The following HEMK2 variants were observed in gnomAD, a reference collection of about 807,000 sequenced individuals.
HEMK2 encodes methyltransferase HEMK2.
chr21:28,652,863 T>G, the HEMK2 span, among the ~76,000 whole-genome samples: 1 of 152,044 alleles, frequency 6.6e-6, no homozygotes, highest in Non-Finnish European at 1.5e-5. Context: ...ATACCCTCAT[T>G]GCTCATTAGC....
chr21:28,605,433 C>A, the HEMK2 span, among the ~76,000 whole-genome samples: 11 of 152,208 alleles, frequency 7.2e-5, no homozygotes, highest in African/African-American at 2.7e-4. Flanking sequence ...ATACTTTCAA[C>A]TTGGCTATTT....
the HEMK2 span, chr21:28,878,119 T>C: frequency 1.5e-6 from 2 of 1,324,608 alleles, no homozygotes; most frequent in Middle Eastern, 2.5e-4. Context: ...ATCTTATAAA[T>C]TAAAGCATTT....
chr21:28,831,306 C>T, the HEMK2 span, among the ~76,000 whole-genome samples: 4 of 150,870 alleles, frequency 2.7e-5, no homozygotes, highest in African/African-American at 9.8e-5. Flanking sequence ...ATTAGCTGGG[C>T]GTGGTAGCGG....
chr21:28,762,864 A>T, the HEMK2 span, among the ~76,000 whole-genome samples: 1 of 152,252 alleles, frequency 6.6e-6, no homozygotes, highest in Non-Finnish European at 1.5e-5. Context: ...CATCCGTCAT[A>T]TGGTGTTATA....
the HEMK2 span, among the ~76,000 whole-genome samples, chr21:28,770,577 T>C: frequency 1.3e-5 from 2 of 152,110 alleles, no homozygotes; most frequent in African/African-American, 4.8e-5. Context: ...GGTGATTAAG[T>C]CACGAGGGCT....
At chr21:28,809,227 T>TA in the HEMK2 span, among the ~76,000 whole-genome samples, 13,300 of 152,126 alleles carry the variant, frequency 0.087, 792 homozygotes, top group Non-Finnish European at 0.13. Context: ...GTAGGAAAGA[T>TA]AGAGGCATAA....
the HEMK2 span, among the ~76,000 whole-genome samples, chr21:28,805,237 T>C: frequency 6.6e-6 from 1 of 152,194 alleles, no homozygotes; most frequent in Non-Finnish European, 1.5e-5. Context: ...AAACTCCATT[T>C]GCACTCTGAC....
At chr21:28,676,996 C>T in the HEMK2 span, among the ~76,000 whole-genome samples, 1 of 152,326 alleles carries the variant, frequency 6.6e-6, no homozygotes, top group Admixed American at 6.5e-5. Context: ...GTGATTTCTG[C>T]ATTTCCAACT....
At chr21:28,739,621 G>A in the HEMK2 span, among the ~76,000 whole-genome samples, 1 of 152,204 alleles carries the variant, frequency 6.6e-6, no homozygotes, top group South Asian at 2.1e-4. Flanking sequence ...GCAGGGTGCT[G>A]TCTAAACAGA....
chr21:28,832,758 C>T, the HEMK2 span, among the ~76,000 whole-genome samples: 8 of 152,196 alleles, frequency 5.3e-5, no homozygotes, highest in African/African-American at 2.4e-5. Flanking sequence ...TGTTGCCCTA[C>T]ATACAGACTA....
the HEMK2 span, among the ~76,000 whole-genome samples, chr21:28,623,830 T>C: frequency 2.6e-5 from 4 of 152,026 alleles, no homozygotes; most frequent in Admixed American, 6.6e-5. Flanking sequence ...CTGGGGCCTG[T>C]AGGAGGGCTA....
the HEMK2 span, among the ~76,000 whole-genome samples, chr21:28,734,250 T>C: frequency 6.6e-6 from 1 of 152,190 alleles, no homozygotes; most frequent in Non-Finnish European, 1.5e-5. Flanking sequence ...GAAAACAGTT[T>C]AGACTCCACA....
the HEMK2 span, among the ~76,000 whole-genome samples, chr21:28,686,842 A>T: frequency 6.6e-6 from 1 of 152,190 alleles, no homozygotes; most frequent in African/African-American, 2.4e-5. Flanking sequence ...GCCTTCGTGC[A>T]TTTTTATACT....
chr21:28,659,710 T>A, the HEMK2 span, among the ~76,000 whole-genome samples: 9 of 152,092 alleles, frequency 5.9e-5, no homozygotes, highest in Non-Finnish European at 1.3e-4. Flanking sequence ...TACCATTATT[T>A]TCCACAATCC....
At chr21:28,642,090 G>A in the HEMK2 span, among the ~76,000 whole-genome samples, 3 of 152,196 alleles carry the variant, frequency 2.0e-5, no homozygotes, top group Non-Finnish European at 2.9e-5. Context: ...TGTTGAAAAA[G>A]TGAGAACCCC....
the HEMK2 span, among the ~76,000 whole-genome samples, chr21:28,665,363 TTAATTTTCTTTTTTTTTTTTTTAA>T: frequency 8.5e-6 from 1 of 117,704 alleles, no homozygotes; most frequent in African/African-American, 3.8e-5. Context: ...TTTTTACTTT[TTAATTTTCTTTTTTTTTTTTTTAA>T]TTTTTTTTTT....
the HEMK2 span, among the ~76,000 whole-genome samples, chr21:28,777,661 A>G: frequency 1.3e-5 from 2 of 152,158 alleles, no homozygotes; most frequent in African/African-American, 4.8e-5. Context: ...GAATTAAAGA[A>G]CACGTTTGGC....
chr21:28,871,587 T>C, the HEMK2 span, among the ~76,000 whole-genome samples: 1 of 152,204 alleles, frequency 6.6e-6, no homozygotes, highest in Admixed American at 6.5e-5. Flanking sequence ...AACTTTGTAC[T>C]CAGCGTATTA....
chr21:28,849,176 C>T, the HEMK2 span, among the ~76,000 whole-genome samples: 2,465 of 152,216 alleles, frequency 0.016, 77 homozygotes, highest in African/African-American at 0.056. Context: ...GGCCAGAGAA[C>T]AAAAGCCAGG....
Sources: allele counts gnomAD v4.1 joint callset (sites outside exome capture counted in the v4.1 genomes callset), GRCh38; gene constraint gnomAD v4.1.1; transcripts MANE v1.5; gene names NCBI Gene and HGNC (gene_info 2026-07-23, HGNC 2026-07-21).